Variants in DESI2 observed in about 807,000 individuals in gnomAD.
DESI2 encodes the protein deubiquitinase DESI2.
A neutral mutation model predicts 24.1 loss-of-function variants in DESI2; 10 were observed. That is an observed-to-expected ratio of 0.41 (90% confidence interval 0.26 to 0.70). The LOEUF (loss-of-function observed/expected upper bound fraction) is 0.70, where lower values mean the gene tolerates loss of function less well. Ranked by LOEUF, DESI2 falls within the 30% of genes least tolerant of loss-of-function variation. The pLI is 0.29. For synonymous variants in DESI2, 71 were observed against 87.7 expected, an observed-to-expected ratio of 0.81 and a Z score of 1.06; for missense variants, 122 against 234.9, an observed-to-expected ratio of 0.52 and a Z score of 3.14.
At chr1:244,702,138 G>A (rs1449818799) in intron 4 of DESI2, among the ~76,000 whole-genome samples, 2 of 152,120 alleles carry the variant, frequency 1.3e-5, no homozygotes, top group African/African-American at 2.4e-5. Flanking sequence ...TGGTTACCTC[G>A]CTACCTCCAA....
At chr1:244,660,003 C>A (rs1336974939) in intron 1 of DESI2, among the ~76,000 whole-genome samples, 1 of 152,194 alleles carries the variant, frequency 6.6e-6, no homozygotes, top group Non-Finnish European at 1.5e-5. Flanking sequence ...TTCAGACTTG[C>A]AGTGGCATAC....
chr1:244,696,628 CCTTTA>C (rs1677225884), intron 4 of DESI2, among the ~76,000 whole-genome samples: 2 of 152,126 alleles, frequency 1.3e-5, no homozygotes, highest in African/African-American at 4.8e-5. Context: ...TTTCTTCCCC[CCTTTA>C]CTTGTTTTCA....
intron 4 of DESI2, among the ~76,000 whole-genome samples, chr1:244,704,989 C>T (rs1015035403): frequency 6.6e-6 from 1 of 152,094 alleles, no homozygotes; most frequent in Non-Finnish European, 1.5e-5. Context: ...ACTCTTATCA[C>T]CCAGGCTGTT....
chr1:244,695,011 A>T (rs1273880929), intron 4 of DESI2, among the ~76,000 whole-genome samples: 1 of 152,236 alleles, frequency 6.6e-6, no homozygotes. Context: ...GGCAGGCTCC[A>T]TTCCAATGTG....
At chr1:244,673,161 A>G (rs962164075) in intron 1 of DESI2, among the ~76,000 whole-genome samples, 1 of 152,204 alleles carries the variant, frequency 6.6e-6, no homozygotes, top group Non-Finnish European at 1.5e-5. Context: ...CATCTTCCAC[A>G]GGCAGCCTGC....
At chr1:244,693,295 A>G (rs1677092913) in intron 4 of DESI2, among the ~76,000 whole-genome samples, 1 of 152,198 alleles carries the variant, frequency 6.6e-6, no homozygotes, top group African/African-American at 2.4e-5. Context: ...TTGAGCATCT[A>G]TACCACCACA....
At position 244,705,953 on chromosome 1, in the gene DESI2, C is replaced by A; in HGVS notation, c.*164C>A. The A allele has an allele frequency of 3.3e-6, 2 of 599,168 alleles. No homozygotes were observed. Among genetic ancestry groups the A allele is most frequent in the East Asian group, 5.7e-5 (2 of 35,100 alleles). 37.1% of individuals were successfully genotyped at this position (599,168 alleles called of 1,614,324 possible). On this transcript the variant is annotated 3_prime_UTR_variant, in exon 5 of 5. Transcript: ENST00000302550. ...ATATTTGTAATCAAAAAAAAAAAAT[C>A]ACTTGGCGCAGGAGGGAGAACTTTG... is the stretch of plus-strand genomic sequence containing the variant.
At chr1:244,685,340 C>T (rs1387518455) in intron 1 of DESI2, among the ~76,000 whole-genome samples, 1 of 152,098 alleles carries the variant, frequency 6.6e-6, no homozygotes, top group African/African-American at 2.4e-5. Context: ...ATTTTGTCAA[C>T]ATGCTTTTAG....
At chr1:244,697,884 G>C (rs1442398783) in intron 4 of DESI2, among the ~76,000 whole-genome samples, 1 of 152,254 alleles carries the variant, frequency 6.6e-6, no homozygotes, top group Middle Eastern at 3.4e-3. Context: ...CAGTTCTCAG[G>C]GCTGGAGCAA....
chr1:244,657,518 G>A (rs1178158486), intron 1 of DESI2, among the ~76,000 whole-genome samples: 1 of 152,194 alleles, frequency 6.6e-6, no homozygotes, highest in African/African-American at 2.4e-5. Context: ...TCAGTCAGCT[G>A]GCCCTGTCTC....
intron 1 of DESI2, among the ~76,000 whole-genome samples, chr1:244,683,556 C>T (rs1325210189): frequency 1.3e-5 from 2 of 152,136 alleles, no homozygotes; most frequent in Non-Finnish European, 2.9e-5. Context: ...TGTGATCCGC[C>T]CACCTCAGCC....
chr1:244,692,007 C>T lies in DESI2; in HGVS notation c.338C>T (p.Ser113Leu), dbSNP rs1677046796. Residue 113 changes from serine to leucine, a missense_variant, in exon 4 of 5, where the codon TCA (serine) becomes TTA (leucine). Transcript: ENST00000302550. ...LMHKNCNHFSSALSEILCGKE... is the reference protein window; with the variant it reads ...LMHKNCNHFSLALSEILCGKE... Reference sequence around the variant, plus strand: ...CATAAAAACTGCAATCATTTTTCTTCAGCTTTATCAGAGGTAAGCTAAATT... The same window carrying T: ...CATAAAAACTGCAATCATTTTTCTTTAGCTTTATCAGAGGTAAGCTAAATT... The T allele has an allele frequency of 6.3e-7, 1 of 1,592,656 alleles. No individual in the cohort carries two copies. Among genetic ancestry groups the T allele is most frequent in the South Asian group, 1.2e-5 (1 of 86,016 alleles).
At chr1:244,671,660 A>G (rs553242593) in intron 1 of DESI2, among the ~76,000 whole-genome samples, 1 of 152,358 alleles carries the variant, frequency 6.6e-6, no homozygotes, top group East Asian at 1.9e-4. Flanking sequence ...CGACAAAATC[A>G]ATGAAGGCTT....
At chr1:244,668,828 A>G (rs896225177) in intron 1 of DESI2, among the ~76,000 whole-genome samples, 2 of 152,250 alleles carry the variant, frequency 1.3e-5, no homozygotes, top group African/African-American at 4.8e-5. Context: ...AAAATAATGA[A>G]TGAAAATATT....
intron 4 of DESI2, among the ~76,000 whole-genome samples, chr1:244,695,917 G>A (rs1677196631): frequency 6.6e-6 from 1 of 152,064 alleles, no homozygotes; most frequent in Admixed American, 6.5e-5. Flanking sequence ...GGAGCTACAG[G>A]TACATGCCAC....
At chr1:244,700,717 A>C (rs1214943918) in intron 4 of DESI2, among the ~76,000 whole-genome samples, 1 of 152,206 alleles carries the variant, frequency 6.6e-6, no homozygotes, top group African/African-American at 2.4e-5. Context: ...AACCTCATCA[A>C]TGAGATAGCT....
chr1:244,678,197 T>C (rs1170238431), intron 1 of DESI2, among the ~76,000 whole-genome samples: 1 of 152,232 alleles, frequency 6.6e-6, no homozygotes, highest in African/African-American at 2.4e-5. Context: ...CATCTCATTA[T>C]AGTGAATTCC....
chr1:244,692,240 G>T (rs1677054102), intron 4 of DESI2, among the ~76,000 whole-genome samples: 1 of 151,956 alleles, frequency 6.6e-6, no homozygotes, highest in South Asian at 2.1e-4. Flanking sequence ...CTTTGCAGTG[G>T]GTAGAGAGTA....
intron 1 of DESI2, among the ~76,000 whole-genome samples, chr1:244,663,824 C>G (rs1045277680): frequency 2.3e-4 from 35 of 151,786 alleles, no homozygotes; most frequent in Non-Finnish European, 4.7e-4. Context: ...CGAGACCATC[C>G]TGGCTAACAC....
Sources: gnomAD v4.1 joint callset for allele counts (sites outside exome capture counted in the v4.1 genomes callset) on GRCh38, gnomAD v4.1.1 for gene constraint, MANE v1.5 for transcripts, NCBI Gene and HGNC (gene_info 2026-07-23, HGNC 2026-07-21) for gene names.